DIS3L: variants seen among roughly 807,000 people sequenced by gnomAD.
DIS3L encodes DIS3 like exosome 3'-5' exoribonuclease.
A neutral mutation model predicts 120.3 loss-of-function variants in DIS3L; 100 were observed. The observed-to-expected ratio is 0.83, with a 90% CI of 0.71 to 0.98. The LOEUF (loss-of-function observed/expected upper bound fraction) is 0.98, where lower values mean the gene tolerates loss of function less well. Ranked by LOEUF, DIS3L falls within the 50% of genes least tolerant of loss-of-function variation. The probability of loss-of-function intolerance (pLI) is 0.00; values close to 1 mark genes in which losing one functional copy is unlikely to be tolerated. For missense variants in DIS3L, 1,196 were observed against 1,314.2 expected (o/e 0.91, Z 1.39); for synonymous variants, 426 against 470.6 (o/e 0.91, Z 1.23).
intron 12 of DIS3L, among the ~76,000 whole-genome samples, chr15:66,327,493 C>T (rs1043649697): frequency 2.0e-5 from 3 of 152,112 alleles, no homozygotes; most frequent in Non-Finnish European, 4.4e-5. Flanking sequence ...CACAGTGGCT[C>T]ATGCCTGTAA....
intron 2 of DIS3L, among the ~76,000 whole-genome samples, chr15:66,304,978 T>C (rs1037306424): frequency 1.3e-5 from 2 of 148,398 alleles, no homozygotes; most frequent in African/African-American, 4.9e-5. Context: ...TTAGAATTAC[T>C]AAGAAAATAA....
chr15:66,327,187 C>G (rs531940720), intron 12 of DIS3L, among the ~76,000 whole-genome samples: 2 of 152,180 alleles, frequency 1.3e-5, no homozygotes, highest in African/African-American at 2.4e-5. Flanking sequence ...CTCGGTCTCC[C>G]AAAGTGCTGG....
At position 66,333,111 on chromosome 15, in the gene DIS3L, T is replaced by A. The variant is rs1037546143; in HGVS notation, c.2964T>A (p.Ser988Arg). ...CAAATACAGAACTTATTCATCAGAG[T>A]TCCCCCTTGCTGAAGAGTGAGTTAG... ...KIPNTELIHQ[S>R]SPLLKSELVK... Residue 988 changes from serine to arginine, a missense_variant, in exon 17 of 17, where the codon AGT becomes AGA. Physicochemically the swap from Ser to Arg is moderately radical, Grantham distance 110 (BLOSUM62 -1). Coordinates refer to ENST00000319212, the MANE Select transcript of DIS3L (RefSeq NM_001143688.3). 1.2e-6 allele frequency: 2 copies of A among 1,612,848 alleles called. No homozygotes were observed. Among genetic ancestry groups the A allele is most frequent in the Non-Finnish European group, 1.7e-6 (2 of 1,179,928 alleles).
At position 66,293,687 on chromosome 15, in the gene DIS3L, G is replaced by A; in HGVS notation, c.91G>A (p.Val31Met). 2.1e-6 allele frequency: 3 copies of A among 1,399,942 alleles called. No homozygotes were observed. The highest frequency in any genetic ancestry group is 1.5e-5 in the African/African-American group (1 of 67,070). 86.7% of individuals were successfully genotyped at this position (1,399,942 alleles called of 1,614,324 possible). A position where few individuals can be genotyped will look rare whatever the true frequency, so the allele number is the denominator to read the frequency against. The change falls in exon 1 of 17, where the codon GTG (valine) becomes ATG (methionine). Residue 31 changes from valine to methionine, a missense_variant. By Grantham distance (21) the Val-to-Met change is conservative. Transcript: ENST00000319212. ...IVREHYLRPC[V>M]PCHSPLCPQP... is the part of the protein sequence containing the mutation. ...GCGCGAGCACTACCTGCGGCCCTGC[G>A]TGCCCTGCCACAGCCCGCTCTGCCC...
chr15:66,304,102 AAAAAAAAAAAC>A (rs1206272053), intron 2 of DIS3L, among the ~76,000 whole-genome samples: 1 of 148,734 alleles, frequency 6.7e-6, no homozygotes, highest in Non-Finnish European at 1.5e-5. Context: ...AAAAAAAAAA[AAAAAAAAAAAC>A]AATATGGCAT....
intron 2 of DIS3L, among the ~76,000 whole-genome samples, chr15:66,299,856 G>A (rs2092628574): frequency 6.6e-6 from 1 of 152,114 alleles, no homozygotes; most frequent in Non-Finnish European, 1.5e-5. Context: ...AGGAGTTCCA[G>A]ACTGGGCAAC....
chr15:66,308,586 T>C (rs777110093), intron 3 of DIS3L, 123 bp from the exon 4 acceptor site: 4 of 1,271,204 alleles, frequency 3.1e-6, no homozygotes, highest in Non-Finnish European at 4.2e-6. Flanking sequence ...CCAGAAGTAT[T>C]TGTTGAACGA....
At position 66,293,604 on chromosome 15, in the gene DIS3L, A is replaced by C. The variant is rs895099218; in HGVS notation, c.8A>C (p.Gln3Pro). The C allele has an allele frequency of 4.2e-6, 6 of 1,441,894 alleles. No individual in the cohort carries two copies. The Admixed American group carries it at 1.2e-4, about 30-fold the overall frequency. The allele number at this position is 1,441,894 out of a possible 1,614,324, so 89.3% of individuals were successfully genotyped here. A position where few individuals can be genotyped will look rare whatever the true frequency, so the allele number is the denominator to read the frequency against. Residue 3 changes from glutamine to proline, a missense_variant, in exon 1 of 17, where the codon CAG becomes CCG. Coordinates refer to ENST00000319212, the MANE Select transcript of DIS3L (RefSeq NM_001143688.3). ML[Q>P]KREKVLLLRT... ...GCCGGGAGACACGCCGCCATGCTGC[A>C]GAAGCGGGAGAAGGTGCTGCTGCTG...
chr15:66,316,252 A>T (rs904945183), intron 7 of DIS3L, among the ~76,000 whole-genome samples: 11 of 151,766 alleles, frequency 7.2e-5, no homozygotes, highest in Non-Finnish European at 1.5e-5. Flanking sequence ...CCCCAGTCTC[A>T]GTAAAGGGCA....
Position 66,318,171 on chromosome 15 carries a change from A to G in DIS3L, c.995-278A>G, listed in dbSNP as rs2092840549. On this transcript the variant is annotated intron_variant, in intron 7 of 16. Coordinates refer to ENST00000319212, the MANE Select transcript of DIS3L (RefSeq NM_001143688.3). ...GTATTTTTAGTAGAGGTGGGGTTTC[A>G]CCATGTTAGCCAGGCTGGTCTTGAA... is the stretch of plus-strand genomic sequence containing the variant. Among the ~76,000 whole-genome samples, 4 of 152,068 alleles carry G rather than the reference A, an allele frequency of 2.6e-5. No individual in the cohort carries two copies. The South Asian group carries it at 8.3e-4, about 32-fold the overall frequency.
intron 12 of DIS3L, among the ~76,000 whole-genome samples, chr15:66,328,115 G>A (rs570998123): frequency 1.3e-5 from 2 of 152,296 alleles, no homozygotes; most frequent in African/African-American, 4.8e-5. Flanking sequence ...TAATGCTGAG[G>A]TGATGGCAGC....
chr15:66,294,499 G>C (rs771111787), intron 1 of DIS3L: 1 of 986,926 alleles, frequency 1.0e-6, no homozygotes, highest in Non-Finnish European at 1.2e-6. Flanking sequence ...TGCAGGTCTG[G>C]TGGGAAACCT....
At position 66,295,009 on chromosome 15, in the gene DIS3L, A is replaced by G. The variant is rs776796518; in HGVS notation, c.161A>G (p.Asp54Gly). 24 of 1,613,614 alleles carry G rather than the reference A, an allele frequency of 1.5e-5. No individual in the cohort carries two copies. The Admixed American group carries it at 2.8e-4, about 19-fold the overall frequency. ...TCAGATGGGAAACTCTTGTCTAGTG[A>G]TGTGACTCATTACGTGATCCCAGAC... ...CSHDGKLLSS[D>G]VTHYVIPDWK... Residue 54 changes from aspartate to glycine, a missense_variant, in exon 2 of 17, where the codon GAT becomes GGT. Transcript: ENST00000319212.
upstream of DIS3L, chr15:66,293,507 C>T (rs2092544306): frequency 8.0e-7 from 1 of 1,251,306 alleles, no homozygotes; most frequent in Non-Finnish European, 1.0e-6. Context: ...GTTCCGGAGC[C>T]GCGGCGCCTA....
Position 66,322,819 on chromosome 15 carries a change from GAC to G in DIS3L, c.1464_1465del (p.Val491GlnfsTer5), listed in dbSNP as rs780264942. On this transcript the variant is annotated frameshift_variant, in exon 10 of 17. Coordinates refer to ENST00000319212, the MANE Select transcript of DIS3L (RefSeq NM_001143688.3). LOFTEE classifies it high-confidence loss of function. ...IDPKGCEDVD[D>X]TLSVRTLNNG... ...CCCCAAAGGTTGTGAAGATGTGGAT[GAC>G]ACACTCTCAGTCAGAACCTTAAATA... 1.2e-6 allele frequency: 2 copies of G among 1,614,160 alleles called. No individual in the cohort carries two copies. The highest frequency in any genetic ancestry group is 2.2e-5 in the East Asian group (1 of 44,876).
chr15:66,306,278 T>C (rs2092701807), intron 2 of DIS3L, among the ~76,000 whole-genome samples: 1 of 152,214 alleles, frequency 6.6e-6, no homozygotes, highest in Admixed American at 6.5e-5. Context: ...TTCTGTTAGT[T>C]GTCTGACAGA....
intron 3 of DIS3L, 84 bp from the exon 4 acceptor site, chr15:66,308,624 GA>G: frequency 2.0e-6 from 3 of 1,520,302 alleles, no homozygotes; most frequent in Non-Finnish European, 2.7e-6. Flanking sequence ...TAGTCCAAAG[GA>G]TAGCAAAAGC....
intron 14 of DIS3L, 151 bp from the exon 15 acceptor site, chr15:66,331,724 A>G (rs1467116509): frequency 2.4e-6 from 2 of 827,642 alleles, no homozygotes; most frequent in African/African-American, 3.5e-5. Context: ...TAGATGGTTA[A>G]GTTCCCACAA....
chr15:66,327,548 G>T (rs1023707942), intron 12 of DIS3L, among the ~76,000 whole-genome samples: 2 of 151,926 alleles, frequency 1.3e-5, no homozygotes, highest in African/African-American at 4.8e-5. Flanking sequence ...ACGAGGTCAG[G>T]AGATCGAGAC....
Sources: allele counts gnomAD v4.1 joint callset (sites outside exome capture counted in the v4.1 genomes callset), GRCh38; gene constraint gnomAD v4.1.1; transcripts MANE v1.5; gene names NCBI Gene and HGNC (gene_info 2026-07-23, HGNC 2026-07-21).